The following NPAT variants were observed in gnomAD, a reference collection of about 807,000 sequenced individuals.
NPAT encodes nuclear protein, coactivator of histone transcription, also known as protein NPAT.
A neutral mutation model predicts 130.7 loss-of-function variants in NPAT; 52 were observed. That is an observed-to-expected ratio of 0.40 (90% CI 0.32 to 0.50). The LOEUF (loss-of-function observed/expected upper bound fraction) is 0.50. Ranked by LOEUF, NPAT falls within the 20% of genes least tolerant of loss-of-function variation. The pLI, the probability that NPAT is intolerant of heterozygous loss-of-function variation, is 0.68. For synonymous variants in NPAT, 580 were observed against 584.8 expected (o/e 0.99, Z 0.12); for missense variants, 1,687 against 1,662.6 (o/e 1.01, Z -0.26).
intron 1 of NPAT, among the ~76,000 whole-genome samples, chr11:108,218,188 G>A (rs751780576): frequency 6.6e-6 from 1 of 152,098 alleles, no homozygotes; most frequent in Non-Finnish European, 1.5e-5. Context: ...AGGTAAGAAA[G>A]TATGCCTGAG....
chr11:108,216,664 A>G (rs539657452), intron 1 of NPAT, among the ~76,000 whole-genome samples: 18 of 141,648 alleles, frequency 1.3e-4, no homozygotes, highest in African/African-American at 4.7e-4. Context: ...TGGAATCATT[A>G]CAGATAATTC....
chr11:108,196,186 T>C (rs1349369722), intron 2 of NPAT, among the ~76,000 whole-genome samples: 1 of 152,356 alleles, frequency 6.6e-6, no homozygotes, highest in Non-Finnish European at 1.5e-5. Context: ...TACATATGGA[T>C]GTCTGAGTGT....
At chr11:108,217,553 A>G (rs1235567609) in intron 1 of NPAT, among the ~76,000 whole-genome samples, 1 of 152,162 alleles carries the variant, frequency 6.6e-6, no homozygotes, top group African/African-American at 2.4e-5. Flanking sequence ...GCCTTACTAT[A>G]TATATATGAT....
At chr11:108,186,745 A>G (rs1389374246) in intron 7 of NPAT, among the ~76,000 whole-genome samples, 176 bp from the exon 8 acceptor site, 1 of 152,204 alleles carries the variant, frequency 6.6e-6, no homozygotes, top group Non-Finnish European at 1.5e-5. Context: ...CATGTACTCA[A>G]GTCCTACAGT....
intron 1 of NPAT, among the ~76,000 whole-genome samples, chr11:108,208,962 A>AT (rs1202363464): frequency 2.6e-5 from 4 of 152,232 alleles, no homozygotes; most frequent in Admixed American, 6.5e-5. Context: ...ACAGTGGAAA[A>AT]TTTACAGCTA....
chr11:108,188,823 T>C (rs900349107), intron 6 of NPAT, among the ~76,000 whole-genome samples: 17 of 152,186 alleles, frequency 1.1e-4, no homozygotes, highest in African/African-American at 4.1e-4. Context: ...ACATTCCATT[T>C]AAAATCAAAT....
In NPAT at chr11:108,197,373, A is replaced by G. The variant is rs1266433173; in HGVS notation, c.85T>C (p.Leu29=). Residue 29 remains leucine (L), a synonymous_variant, in exon 2 of 18, where the codon TTG becomes CTG. Coordinates refer to ENST00000278612, the MANE Select transcript of NPAT (RefSeq NM_002519.3). ...NLISTCQTFI[L]ESSDLKEYAE... is the part of the protein sequence containing the mutation. ...TATTCTTTTAAATCTGAACTTTCCAAAATAAAAGTCTGGCAGGTAGAAATG... is the reference window on the plus strand; with the variant it reads ...TATTCTTTTAAATCTGAACTTTCCAGAATAAAAGTCTGGCAGGTAGAAATG... 1 of 1,613,634 alleles carries G rather than the reference A, an allele frequency of 6.2e-7. No homozygotes were observed. Among genetic ancestry groups the G allele is most frequent in the East Asian group, 2.2e-5 (1 of 44,848 alleles).
chr11:108,205,438 A>C (rs2078316484), intron 1 of NPAT, among the ~76,000 whole-genome samples: 1 of 151,934 alleles, frequency 6.6e-6, no homozygotes, highest in African/African-American at 2.4e-5. Context: ...TTAAATGAAA[A>C]AATTTTTAAT....
intron 15 of NPAT, among the ~76,000 whole-genome samples, chr11:108,165,759 G>A (rs1199756228): frequency 3.3e-5 from 5 of 151,422 alleles, no homozygotes; most frequent in African/African-American, 7.3e-5. Context: ...TTAGTCTCCC[G>A]AATAGCTGGG....
At chr11:108,162,289 A>G in intron 15 of NPAT, 109 bp from the exon 16 acceptor site, 4 of 918,644 alleles carry the variant, frequency 4.4e-6, no homozygotes, top group Middle Eastern at 3.0e-4. Flanking sequence ...AATGGTAGCT[A>G]ATGTACACAC....
At chr11:108,215,700 G>A (rs914874819) in intron 1 of NPAT, among the ~76,000 whole-genome samples, 9 of 152,142 alleles carry the variant, frequency 5.9e-5, no homozygotes, top group Non-Finnish European at 8.8e-5. Context: ...TGGTCATCTC[G>A]TTACAGGCAA....
At chr11:108,208,885 G>T (rs2078355661) in intron 1 of NPAT, among the ~76,000 whole-genome samples, 1 of 152,196 alleles carries the variant, frequency 6.6e-6, no homozygotes, top group East Asian at 1.9e-4. Context: ...ACATTTTCCA[G>T]GGCCGACCAT....
intron 10 of NPAT, among the ~76,000 whole-genome samples, chr11:108,184,655 C>T (rs1049924435): frequency 6.6e-6 from 1 of 152,120 alleles, no homozygotes; most frequent in Non-Finnish European, 1.5e-5. Flanking sequence ...TTCAGCCACC[C>T]GAGCTGCTGG....
chr11:108,161,980 G>T lies in NPAT; in HGVS notation c.3106C>A (p.Leu1036Ile), dbSNP rs35303872. 0.03 allele frequency: 48,579 copies of T among 1,605,786 alleles called. 938 individuals carry two copies. The highest frequency in any genetic ancestry group is 0.037 in the Non-Finnish European group (43,378 of 1,176,578). The change falls in exon 17 of 18, where the codon CTT becomes ATT. Residue 1036 changes from leucine (L) to isoleucine (I), a missense_variant. Transcript: ENST00000278612. ...GTGGTTTCTTCTGATTTTTTCCCAA[G>T]ATCTGTGGCAATACTTTTGTCAGAA... ...EVSDKSIATDLGKKSEETTVP... is the reference protein window; with the variant it reads ...EVSDKSIATDIGKKSEETTVP...
rs11212547 is a variant in NPAT, at chr11:108,194,948, C to T, written c.157-931G>A. ...AAGCGATTCTCCTGTCTCAGCCTCCCGAGTAGCTGGGACTACAGGCGCACG... is the reference window on the plus strand; with the variant it reads ...AAGCGATTCTCCTGTCTCAGCCTCCTGAGTAGCTGGGACTACAGGCGCACG... On this transcript the variant is annotated intron_variant, in intron 2 of 17. Coordinates refer to ENST00000278612, the MANE Select transcript of NPAT (RefSeq NM_002519.3). 6.1e-3 allele frequency among the ~76,000 whole-genome samples: 935 copies of T among 152,250 alleles called. 6 individuals carry two copies. The highest frequency in any genetic ancestry group is 0.01 in the East Asian group (54 of 5,174).
intron 1 of NPAT, among the ~76,000 whole-genome samples, chr11:108,214,614 A>T (rs924376693): frequency 6.6e-6 from 1 of 151,974 alleles, no homozygotes; most frequent in Non-Finnish European, 1.5e-5. Context: ...ATATCTCAAT[A>T]AAAAAATATG....
intron 15 of NPAT, among the ~76,000 whole-genome samples, chr11:108,164,525 T>A (rs2134824086): frequency 6.6e-6 from 1 of 152,292 alleles, no homozygotes; most frequent in African/African-American, 2.4e-5. Flanking sequence ...AGACACAAGT[T>A]CAGGTAAAAG....
chr11:108,188,416 C>T (rs536242635), intron 6 of NPAT, among the ~76,000 whole-genome samples: 1 of 152,086 alleles, frequency 6.6e-6, no homozygotes, highest in African/African-American at 2.4e-5. Context: ...AAAAATAATA[C>T]AGTAGAATGG....
At chr11:108,221,892 A>C (rs565041328) in intron 1 of NPAT, among the ~76,000 whole-genome samples, 1 of 152,342 alleles carries the variant, frequency 6.6e-6, no homozygotes, top group East Asian at 1.9e-4. Context: ...TAAGGCAATT[A>C]ACCCTCTGAA....
Sources: allele counts gnomAD v4.1 joint callset (sites outside exome capture counted in the v4.1 genomes callset), GRCh38; gene constraint gnomAD v4.1.1; transcripts MANE v1.5; gene names NCBI Gene and HGNC (gene_info 2026-07-23, HGNC 2026-07-21).